The following FOCAD variants were observed in gnomAD, a reference collection of about 807,000 sequenced individuals.
The protein encoded by FOCAD is KIAA1797.
Under a neutral mutation model 225.6 loss-of-function variants are expected in FOCAD, and 198 were observed. The observed-to-expected ratio is 0.88, with a 90% CI of 0.78 to 0.99. The LOEUF is 0.99. Ranked by LOEUF, FOCAD falls within the 50% of genes least tolerant of loss-of-function variation. The pLI is 0.00. For synonymous variants in FOCAD, 897 were observed against 755.0 expected (o/e 1.19, Z -3.08); for missense variants, 2,713 against 2,123.6 (o/e 1.28, Z -5.46).
At chr9:20,988,454 A>G in intron 41 of FOCAD, 25 bp downstream of exon 41, 2 of 1,354,258 alleles carry the variant, frequency 1.5e-6, no homozygotes, top group South Asian at 1.2e-5. Flanking sequence ...AGTAGTTTAT[A>G]GCTTCCTTAA....
intron 11 of FOCAD, among the ~76,000 whole-genome samples, chr9:20,796,583 T>C (rs10964706): frequency 0.021 from 3,174 of 152,340 alleles, 56 homozygotes; most frequent in Middle Eastern, 0.075. Context: ...GAGCATTTTT[T>C]CATGTGTCTT....
At chr9:20,795,670 G>A (rs920564954) in intron 11 of FOCAD, among the ~76,000 whole-genome samples, 7 of 150,946 alleles carry the variant, frequency 4.6e-5, no homozygotes, top group African/African-American at 1.2e-4. Context: ...TGTAGTCCCA[G>A]CTACTCGGGA....
intron 18 of FOCAD, among the ~76,000 whole-genome samples, chr9:20,869,786 G>A (rs141599076): frequency 7.9e-5 from 12 of 152,224 alleles, no homozygotes; most frequent in Middle Eastern, 3.4e-3. Flanking sequence ...GAAGAGCTGA[G>A]GATGTTGACT....
chr9:20,899,285 C>T (rs940416488), intron 21 of FOCAD, among the ~76,000 whole-genome samples: 4 of 151,816 alleles, frequency 2.6e-5, no homozygotes, highest in Non-Finnish European at 5.9e-5. Context: ...GTGTGGGGAC[C>T]CTCCCTATGC....
At chr9:20,978,953 A>G (rs1354052268) in intron 37 of FOCAD, among the ~76,000 whole-genome samples, 1 of 152,204 alleles carries the variant, frequency 6.6e-6, no homozygotes, top group Non-Finnish European at 1.5e-5. Context: ...AGTGGAGAGC[A>G]TGAAAGATCT....
chr9:20,765,414 A>G (rs1430464261), intron 7 of FOCAD, among the ~76,000 whole-genome samples: 1 of 151,862 alleles, frequency 6.6e-6, no homozygotes, highest in Non-Finnish European at 1.5e-5. Context: ...AGTAACAAGG[A>G]AAAAAAAGAC....
At chr9:20,990,771 A>C (rs1338200153) in intron 42 of FOCAD, among the ~76,000 whole-genome samples, 1 of 152,184 alleles carries the variant, frequency 6.6e-6, no homozygotes, top group South Asian at 2.1e-4. Context: ...GGTGATGAGC[A>C]AGGGAAGGAG....
intron 22 of FOCAD, among the ~76,000 whole-genome samples, chr9:20,907,592 A>G (rs1833088269): frequency 6.6e-6 from 1 of 151,984 alleles, no homozygotes. Context: ...CTCAAGCTGG[A>G]CTTGCTTACA....
In FOCAD at chr9:20,874,753, C is replaced by G. The variant is rs1005471349; in HGVS notation, c.2263C>G (p.Pro755Ala). 1.9e-6 allele frequency: 3 copies of G among 1,613,516 alleles called. No individual in the cohort carries two copies. The African/African-American group carries it at 4.0e-5, about 22-fold the overall frequency. ...EDVEDVDLSV[P>A]GSCYLKLLSL... ...TGTTGAGGATGTGGATCTTTCAGTT[C>G]CTGGCTCTTGCTATCTCAAACTGTT... is the stretch of plus-strand genomic sequence containing the variant. The change falls in exon 19 of 44, where the codon CCT becomes GCT. Residue 755 changes from proline (P) to alanine (A), a missense_variant. Coordinates refer to ENST00000338382, the MANE Select transcript of FOCAD (RefSeq NM_001375567.1).
intron 35 of FOCAD, chr9:20,957,671 C>CTT (rs1564203443): frequency 3.9e-5 from 2 of 51,392 alleles, no homozygotes; most frequent in African/African-American, 7.7e-5. Context: ...ATATCTCTCT[C>CTT]TCTTTTTTTT....
intron 5 of FOCAD, among the ~76,000 whole-genome samples, chr9:20,741,422 G>A (rs1008113874): frequency 6.6e-6 from 1 of 152,036 alleles, no homozygotes; most frequent in Non-Finnish European, 1.5e-5. Context: ...GTAATTTTTA[G>A]TGCTATTTGT....
At chr9:20,918,246 C>G (rs1564149759) in intron 24 of FOCAD, among the ~76,000 whole-genome samples, 1 of 152,252 alleles carries the variant, frequency 6.6e-6, no homozygotes, top group Admixed American at 6.5e-5. Context: ...TACCAACTTT[C>G]TCCTAAAGCA....
chr9:20,834,331 A>T (rs1825789312), intron 15 of FOCAD, among the ~76,000 whole-genome samples: 1 of 152,058 alleles, frequency 6.6e-6, no homozygotes, highest in South Asian at 2.1e-4. Context: ...TCTGAGAAGA[A>T]TAGCTAATGT....
chr9:20,718,257 T>C (rs1825495872), intron 3 of FOCAD, among the ~76,000 whole-genome samples: 1 of 152,226 alleles, frequency 6.6e-6, no homozygotes, highest in Admixed American at 6.5e-5. Flanking sequence ...TTTCTCATGC[T>C]TCAGCTCAGC....
chr9:20,933,380 A>G (rs192955113), intron 28 of FOCAD, among the ~76,000 whole-genome samples: 1 of 152,268 alleles, frequency 6.6e-6, no homozygotes, highest in Admixed American at 6.5e-5. Context: ...CCCAAAGTCC[A>G]GTGTGTGATT....
chr9:20,870,237 T>C (rs550982885), intron 18 of FOCAD, among the ~76,000 whole-genome samples: 3 of 152,336 alleles, frequency 2.0e-5, no homozygotes, highest in East Asian at 3.9e-4. Context: ...ATAAATATGG[T>C]GTAACCCGTT....
intron 2 of FOCAD, among the ~76,000 whole-genome samples, chr9:20,673,460 G>A (rs1822136870): frequency 6.6e-6 from 1 of 152,070 alleles, no homozygotes; most frequent in African/African-American, 2.4e-5. Flanking sequence ...TATCCTGGTA[G>A]TGGTATCTAA....
At chr9:20,911,434 T>A (rs1227852865) in intron 22 of FOCAD, among the ~76,000 whole-genome samples, 3 of 152,122 alleles carry the variant, frequency 2.0e-5, no homozygotes, top group Non-Finnish European at 4.4e-5. Flanking sequence ...GACATATAAC[T>A]TTATAGTCTG....
chr9:20,674,734 A>G (rs537661940), intron 2 of FOCAD, among the ~76,000 whole-genome samples: 1 of 152,346 alleles, frequency 6.6e-6, no homozygotes, highest in South Asian at 2.1e-4. Context: ...TTTGCTCTGT[A>G]TAATCAGTGT....
Sources: gnomAD v4.1 joint callset for allele counts (sites outside exome capture counted in the v4.1 genomes callset) on GRCh38, gnomAD v4.1.1 for gene constraint, MANE v1.5 for transcripts, NCBI Gene and HGNC (gene_info 2026-07-23, HGNC 2026-07-21) for gene names.